The following FUT9 variants were observed in gnomAD, a reference collection of about 807,000 sequenced individuals.
FUT9 encodes the protein 4-galactosyl-N-acetylglucosaminide 3-alpha-L-fucosyltransferase 9.
Under a neutral mutation model 29.7 loss-of-function variants are expected in FUT9, and 15 were observed. That is an observed-to-expected ratio of 0.51 (90% CI 0.34 to 0.78). The LOEUF is 0.78. FUT9 is among the 30% of genes least tolerant of loss of function. FUT9 has a pLI of 0.01. For missense variants in FUT9, 319 were observed against 425.4 expected, an observed-to-expected ratio of 0.75 and a Z score of 2.20; for synonymous variants, 169 against 153.7, an observed-to-expected ratio of 1.10 and a Z score of -0.74.
intron 1 of FUT9, among the ~76,000 whole-genome samples, chr6:96,098,653 T>C (rs1771539972): frequency 6.6e-6 from 1 of 152,152 alleles, no homozygotes; most frequent in African/African-American, 2.4e-5. Context: ...AAATAGTTCA[T>C]TAAAAATTAC....
intron 1 of FUT9, among the ~76,000 whole-genome samples, chr6:96,070,043 T>G (rs1180212433): frequency 6.6e-6 from 1 of 152,208 alleles, no homozygotes; most frequent in Non-Finnish European, 1.5e-5. Context: ...AATTATTCAT[T>G]ATTTTACAAA....
chr6:96,024,624 T>C (rs1770132136), intron 1 of FUT9, among the ~76,000 whole-genome samples: 2 of 151,774 alleles, frequency 1.3e-5, no homozygotes. Context: ...ATGGTGACTT[T>C]AAGGCATCCA....
intron 2 of FUT9, among the ~76,000 whole-genome samples, chr6:96,159,093 C>T (rs1419011787): frequency 6.6e-6 from 1 of 151,996 alleles, no homozygotes; most frequent in Non-Finnish European, 1.5e-5. Context: ...TTCTTAAAGA[C>T]TGGATAATAT....
chr6:96,147,609 A>C lies in FUT9; in HGVS notation c.-9+33482A>C, dbSNP rs185196269. 7.9e-5 allele frequency among the ~76,000 whole-genome samples: 12 copies of C among 152,264 alleles called. No individual in the cohort carries two copies. The East Asian group carries it at 2.1e-3, about 27-fold the overall frequency. On this transcript the variant is annotated intron_variant, in intron 2 of 2. Transcript: ENST00000302103. Reference sequence around the variant, plus strand: ...ACTTATAACTGTAGTTATTAAACCCAAAGAGAGAAGTAAGTCTTCTTCATA... The same window carrying C: ...ACTTATAACTGTAGTTATTAAACCCCAAGAGAGAAGTAAGTCTTCTTCATA...
At chr6:96,197,040 G>A (rs757030346) in intron 2 of FUT9, among the ~76,000 whole-genome samples, 14 of 152,176 alleles carry the variant, frequency 9.2e-5, no homozygotes, top group Admixed American at 2.6e-4. Context: ...AGTGGTGAAA[G>A]ACAGGAGAGC....
At chr6:96,101,032 TA>T (rs138810731) in intron 1 of FUT9, among the ~76,000 whole-genome samples, 21,097 of 152,190 alleles carry the variant, frequency 0.14, 1,675 homozygotes, top group Non-Finnish European at 0.16. Flanking sequence ...TGTGAATTAT[TA>T]AACAAAACTA....
At position 96,084,147 on chromosome 6, in the gene FUT9, A is replaced by G. The variant is rs79035252; in HGVS notation, c.-97-29892A>G. ...GCGCTTAGGAACTTTGAAAATTAAA[A>G]CAGAGAGAGAGATAGACTAAAGTGA... On this transcript the variant is annotated intron_variant, in intron 1 of 2. Transcript: ENST00000302103. 4.9e-3 allele frequency among the ~76,000 whole-genome samples: 744 copies of G among 152,196 alleles called. 5 individuals are homozygous for G. The highest frequency in any genetic ancestry group is 0.017 in the African/African-American group (692 of 41,550).
chr6:96,082,900 C>T (rs1771261482), intron 1 of FUT9, among the ~76,000 whole-genome samples: 1 of 151,802 alleles, frequency 6.6e-6, no homozygotes, highest in South Asian at 2.1e-4. Context: ...TTATTTGTTT[C>T]TAGATACTTT....
At chr6:96,057,574 T>C (rs1770793890) in intron 1 of FUT9, among the ~76,000 whole-genome samples, 1 of 152,242 alleles carries the variant, frequency 6.6e-6, no homozygotes, top group South Asian at 2.1e-4. Flanking sequence ...AAACTTATTT[T>C]TTTTAAAGTT....
At chr6:96,060,985 A>G (rs191943927) in intron 1 of FUT9, among the ~76,000 whole-genome samples, 45 of 152,318 alleles carry the variant, frequency 3.0e-4, no homozygotes, top group Non-Finnish European at 5.9e-5. Flanking sequence ...AGTTTTGACA[A>G]AGCAAATATT....
chr6:96,136,927 A>G (rs1189666304), intron 2 of FUT9, among the ~76,000 whole-genome samples: 7 of 152,046 alleles, frequency 4.6e-5, no homozygotes, highest in African/African-American at 1.7e-4. Flanking sequence ...ATCAGACTTG[A>G]TATTTACAGC....
In FUT9 at chr6:96,035,744, CTAATA is replaced by C. The variant is rs901701139; in HGVS notation, c.-98+19544_-98+19548del. Among the ~76,000 whole-genome samples, 99 of 128,796 alleles carry C rather than the reference CTAATA, an allele frequency of 7.7e-4. 2 individuals carry two copies. The highest frequency in any genetic ancestry group is 2.7e-3 in the African/African-American group (94 of 34,376). 84.5% of individuals were successfully genotyped at this position (128,796 alleles called of 152,430 possible). A position where few individuals can be genotyped will look rare whatever the true frequency, so the allele number is the denominator to read the frequency against. Reference sequence around the variant, plus strand: ...TAATAAATATAACATATTTATTATACTAATATAATATAATATTATAATTAAAATAT... The same window carrying C: ...TAATAAATATAACATATTTATTATACTAATATAATATTATAATTAAAATAT... On this transcript the variant is annotated intron_variant, in intron 1 of 2. Coordinates refer to ENST00000302103, the MANE Select transcript of FUT9 (RefSeq NM_006581.4).
chr6:96,171,614 T>C (rs1364612745), intron 2 of FUT9, among the ~76,000 whole-genome samples: 1 of 152,200 alleles, frequency 6.6e-6, no homozygotes, highest in Non-Finnish European at 1.5e-5. Context: ...AAGGTGATTT[T>C]ATCTCAATGC....
chr6:96,096,072 A>G (rs1771489663), intron 1 of FUT9, among the ~76,000 whole-genome samples: 1 of 152,154 alleles, frequency 6.6e-6, no homozygotes, highest in South Asian at 2.1e-4. Flanking sequence ...AACTACCTAT[A>G]CAATGTCTCT....
chr6:96,141,564 G>GT (rs1772464426), intron 2 of FUT9, among the ~76,000 whole-genome samples: 2 of 152,208 alleles, frequency 1.3e-5, no homozygotes, highest in Non-Finnish European at 2.9e-5. Context: ...AGAGAGGAAG[G>GT]TGGAGCAGCA....
At chr6:96,017,968 A>G (rs1321166238) in intron 1 of FUT9, among the ~76,000 whole-genome samples, 1 of 152,160 alleles carries the variant, frequency 6.6e-6, no homozygotes, top group Non-Finnish European at 1.5e-5. Flanking sequence ...GTTTGTTTTC[A>G]TTCAAACTGT....
At chr6:96,099,890 A>T (rs755184046) in intron 1 of FUT9, among the ~76,000 whole-genome samples, 1 of 152,138 alleles carries the variant, frequency 6.6e-6, no homozygotes, top group African/African-American at 2.4e-5. Context: ...TGCAATCTTT[A>T]TTAATTGAAC....
Position 96,189,453 on chromosome 6 carries a change from C to G in FUT9, c.-8-13695C>G, listed in dbSNP as rs114500226. On this transcript the variant is annotated intron_variant, in intron 2 of 2. Transcript: ENST00000302103. ...ATGTGATCTGTGGTTTGAAACATCA[C>G]GCTATTGGAGGAATCCCCAAATTTT... Among the ~76,000 whole-genome samples the G allele has an allele frequency of 2.1e-4, 32 of 152,150 alleles. No homozygotes were observed. In the East Asian group the frequency reaches 6.0e-3, roughly 29 times the overall value.
At chr6:96,202,667 G>A (rs1373543923) in intron 2 of FUT9, among the ~76,000 whole-genome samples, 2 of 151,992 alleles carry the variant, frequency 1.3e-5, no homozygotes, top group African/African-American at 2.4e-5. Context: ...AAAACATAAC[G>A]TTTTTAAAAA....
Sources: gnomAD v4.1 joint callset for allele counts (sites outside exome capture counted in the v4.1 genomes callset) on GRCh38, gnomAD v4.1.1 for gene constraint, MANE v1.5 for transcripts, NCBI Gene and HGNC (gene_info 2026-07-23, HGNC 2026-07-21) for gene names.